RYR3: variants seen among roughly 807,000 people sequenced by gnomAD.
RYR3 encodes brain ryanodine receptor-calcium release channel.
RYR3 carries 207 observed loss-of-function variants against 584.3 expected under a neutral mutation model. The observed-to-expected ratio is 0.35, with a 90% CI of 0.32 to 0.40. The LOEUF (loss-of-function observed/expected upper bound fraction) is 0.40, where lower values mean the gene tolerates loss of function less well. Among genes scored for constraint, RYR3 ranks in the 10% least tolerant of loss-of-function variants. The probability of loss-of-function intolerance (pLI) is 1.00; values close to 1 mark genes in which losing one functional copy is unlikely to be tolerated. For missense variants in RYR3, 5,616 were observed against 6,089.2 expected, an observed-to-expected ratio of 0.92 and a Z score of 2.59; for synonymous variants, 2,416 against 2,248.5, an observed-to-expected ratio of 1.07 and a Z score of -2.11.
At chr15:33,332,017 A>G (rs1029144800) in intron 1 of RYR3, among the ~76,000 whole-genome samples, 6 of 152,066 alleles carry the variant, frequency 3.9e-5, no homozygotes, top group South Asian at 2.1e-4. Context: ...TAGACTATCC[A>G]GGAAGAAAGG....
At chr15:33,646,203 T>C in intron 28 of RYR3, 148 bp from the exon 29 acceptor site, 1 of 624,162 alleles carries the variant, frequency 1.6e-6, no homozygotes. Context: ...CAAGTAATGA[T>C]GAGAATCATA....
intron 43 of RYR3, among the ~76,000 whole-genome samples, chr15:33,721,723 G>A (rs187503572): frequency 6.6e-6 from 1 of 152,184 alleles, no homozygotes; most frequent in African/African-American, 2.4e-5. Context: ...TCTTGGCTCA[G>A]AGATGAATTC....
At chr15:33,531,335 A>T (rs977725391) in intron 4 of RYR3, among the ~76,000 whole-genome samples, 1 of 151,980 alleles carries the variant, frequency 6.6e-6, no homozygotes, top group Non-Finnish European at 1.5e-5. Context: ...ATTTATAAAA[A>T]AATATAATTT....
At chr15:33,383,327 A>G (rs2041337537) in intron 1 of RYR3, among the ~76,000 whole-genome samples, 1 of 148,446 alleles carries the variant, frequency 6.7e-6, no homozygotes, top group Admixed American at 6.8e-5. Context: ...AGAGGAAAAA[A>G]TAGAAAAAGG....
At chr15:33,696,122 A>G in intron 38 of RYR3, 96 bp from the exon 39 acceptor site, 3 of 1,212,734 alleles carry the variant, frequency 2.5e-6, no homozygotes, top group Non-Finnish European at 2.3e-6. Flanking sequence ...AACCTCAACC[A>G]ATGATGTGTC....
At chr15:33,654,352 A>C (rs909742782) in intron 32 of RYR3, among the ~76,000 whole-genome samples, 5 of 152,026 alleles carry the variant, frequency 3.3e-5, no homozygotes, top group African/African-American at 1.2e-4. Flanking sequence ...TCAGCTTTAC[A>C]AAAAATAGAA....
At chr15:33,818,937 GA>G (rs1001525581) in intron 76 of RYR3, among the ~76,000 whole-genome samples, 3 of 152,056 alleles carry the variant, frequency 2.0e-5, no homozygotes, top group Non-Finnish European at 4.4e-5. Flanking sequence ...CAGCCTGACC[GA>G]CATGGTGAAA....
intron 13 of RYR3, among the ~76,000 whole-genome samples, 152 bp from the exon 14 acceptor site, chr15:33,581,356 A>G (rs1021784765): frequency 2.0e-5 from 3 of 151,862 alleles, no homozygotes; most frequent in African/African-American, 7.3e-5. Flanking sequence ...TTTAGGAGGG[A>G]AAAAAAACAA....
intron 1 of RYR3, among the ~76,000 whole-genome samples, chr15:33,344,035 T>A (rs531344914): frequency 6.6e-6 from 1 of 152,370 alleles, no homozygotes; most frequent in African/African-American, 2.4e-5. Flanking sequence ...CCCGAAATGC[T>A]GTCGCAAGCT....
At position 33,823,219 on chromosome 15, in the gene RYR3, T is replaced by C. The variant is rs559026815; in HGVS notation, c.11072+147T>C. The C allele has an allele frequency of 2.0e-5, 12 of 609,966 alleles. No homozygotes were observed. The South Asian group carries it at 2.9e-4, about 15-fold the overall frequency. 37.8% of individuals were successfully genotyped at this position (609,966 alleles called of 1,614,324 possible). ...CTTAGAAAGCTAAGAGAGTAGGTGT[T>C]GTTCCTCCAGCCTTCAGGATGACAA... On this transcript the variant is annotated intron_variant, in intron 81 of 103. Transcript: ENST00000634891.
In RYR3 at chr15:33,660,269, C is replaced by G. The variant is rs74005937; in HGVS notation, c.4468C>G (p.Leu1490Val). 9.6e-6 allele frequency: 15 copies of G among 1,557,160 alleles called. No individual in the cohort carries two copies. The highest frequency in any genetic ancestry group is 1.3e-5 in the Non-Finnish European group (15 of 1,150,336). The change falls in exon 34 of 104, where the codon CTG (leucine) becomes GTG (valine). Residue 1490 changes from leucine (L) to valine (V), a missense_variant. Around this residue, in one of 9 missense-constraint regions of RYR3, gnomAD observed 753 missense variants for 741.0 expected, o/e 1.02. Coordinates refer to ENST00000634891, the MANE Select transcript of RYR3 (RefSeq NM_001036.6). ...CCCAGTCCCACAGTGTCCACCTCGG[C>G]TGGACGTCCAAACCATCCAGCCCGT... ...KNPVPQCPPR[L>V]DVQTIQPVLW...
intron 76 of RYR3, 28 bp downstream of exon 76, chr15:33,818,712 C>T: frequency 6.5e-7 from 1 of 1,532,950 alleles, no homozygotes; most frequent in South Asian, 1.1e-5. Flanking sequence ...ACCTGCTTCT[C>T]CCAGGCACCA....
At chr15:33,339,654 C>A (rs1295919007) in intron 1 of RYR3, among the ~76,000 whole-genome samples, 1 of 152,096 alleles carries the variant, frequency 6.6e-6, no homozygotes, top group Non-Finnish European at 1.5e-5. Flanking sequence ...CTTTGGGAGG[C>A]CGAGGCGGGC....
At chr15:33,756,233 C>G in intron 58 of RYR3, 73 bp from the exon 59 acceptor site, 1 of 994,436 alleles carries the variant, frequency 1.0e-6, no homozygotes, top group Non-Finnish European at 1.6e-6. Context: ...AAAAGCTGCT[C>G]TGTTTCTAAA....
intron 11 of RYR3, among the ~76,000 whole-genome samples, chr15:33,564,063 C>T (rs547527405): frequency 6.6e-6 from 1 of 152,250 alleles, no homozygotes; most frequent in Admixed American, 6.5e-5. Flanking sequence ...CTAAGGTGAG[C>T]CCACCTTGAT....
At chr15:33,525,619 C>A (rs2054327990) in intron 3 of RYR3, among the ~76,000 whole-genome samples, 1 of 152,112 alleles carries the variant, frequency 6.6e-6, no homozygotes, top group Non-Finnish European at 1.5e-5. Flanking sequence ...TTGCCTTCAC[C>A]TAAGCAGATT....
At chr15:33,585,073 C>G (rs957033314) in intron 15 of RYR3, among the ~76,000 whole-genome samples, 1 of 151,974 alleles carries the variant, frequency 6.6e-6, no homozygotes, top group Non-Finnish European at 1.5e-5. Context: ...TTGCTTCCTC[C>G]GAGATGAGTA....
At chr15:33,766,213 A>T (rs932286437) in intron 60 of RYR3, among the ~76,000 whole-genome samples, 7 of 150,522 alleles carry the variant, frequency 4.7e-5, no homozygotes, top group African/African-American at 1.5e-4. Flanking sequence ...AACCCAGGAG[A>T]CGGAGGTTGC....
chr15:33,435,703 T>TTGTTCCTCCCGGTAGGTTCCTGGTCTCAC (rs1246052732), intron 1 of RYR3, among the ~76,000 whole-genome samples: 25 of 152,292 alleles, frequency 1.6e-4, no homozygotes, highest in African/African-American at 5.8e-4. Flanking sequence ...CCGGAGTTGA[T>TTGTTCCTCCCGGTAGGTTCCTGGTCTCAC]TGTTCCTCCC....
Sources: allele counts gnomAD v4.1 joint callset (sites outside exome capture counted in the v4.1 genomes callset), GRCh38; gene constraint gnomAD v4.1.1; regional missense constraint gnomAD v4.1.1; transcripts MANE v1.5; gene names NCBI Gene and HGNC (gene_info 2026-07-23, HGNC 2026-07-21).